The following IGFL2 variants were observed in gnomAD, a reference collection of about 807,000 sequenced individuals.
The protein encoded by IGFL2 is insulin growth factor-like family member 2.
IGFL2 carries 7 observed loss-of-function variants against 13.9 expected under a neutral mutation model. That is an observed-to-expected ratio of 0.51 (90% confidence interval 0.29 to 0.95). IGFL2 has a LOEUF of 0.95. IGFL2 is among the 40% of genes least tolerant of loss of function. The pLI, the probability that IGFL2 is intolerant of heterozygous loss-of-function variation, is 0.08. For missense variants in IGFL2, 138 were observed against 147.8 expected, an observed-to-expected ratio of 0.93 and a Z score of 0.34; for synonymous variants, 55 against 55.8, an observed-to-expected ratio of 0.99 and a Z score of 0.07.
At chr19:46,157,311 A>G (rs1385700778) in intron 1 of IGFL2, among the ~76,000 whole-genome samples, 2 of 152,166 alleles carry the variant, frequency 1.3e-5, no homozygotes, top group African/African-American at 2.4e-5. Context: ...TAAAAAGACA[A>G]ACAAGAACAA....
the IGFL2 span, among the ~76,000 whole-genome samples, chr19:46,172,567 T>C: frequency 6.6e-6 from 1 of 152,190 alleles, no homozygotes; most frequent in African/African-American, 2.4e-5. Context: ...GCCTCCCACC[T>C]CAGCCACCTG....
chr19:46,113,204 C>T, the IGFL2 span: 2 of 174,510 alleles, frequency 1.1e-5, no homozygotes, highest in Non-Finnish European at 2.4e-5. Flanking sequence ...AAAAGCGTTC[C>T]GTCCTCTCTT....
At chr19:46,136,749 G>C in the IGFL2 span, 21 of 585,264 alleles carry the variant, frequency 3.6e-5, no homozygotes, top group South Asian at 2.9e-4. Context: ...AATGGGTTAA[G>C]CTGTAAGTTT....
chr19:46,177,994 C>T, the IGFL2 span, among the ~76,000 whole-genome samples: 46 of 152,112 alleles, frequency 3.0e-4, no homozygotes, highest in South Asian at 5.2e-3. Context: ...AAATAGAGAG[C>T]GTGGCCGGGT....
the IGFL2 span, chr19:46,137,582 G>A: frequency 9.4e-7 from 1 of 1,058,318 alleles, no homozygotes. Flanking sequence ...GCCAGATGCT[G>A]CAACAATACC....
the IGFL2 span, among the ~76,000 whole-genome samples, chr19:46,109,595 C>CGT: frequency 6.6e-6 from 1 of 152,162 alleles, no homozygotes; most frequent in African/African-American, 2.4e-5. Context: ...GGATTACAGG[C>CGT]GTGAGACACC....
At chr19:46,142,161 C>G (rs1405697008), upstream of IGFL2, among the ~76,000 whole-genome samples, 11 of 152,106 alleles carry the variant, frequency 7.2e-5, no homozygotes, top group Non-Finnish European at 1.3e-4. Flanking sequence ...TACAAGCATC[C>G]AATAACATAA....
chr19:46,079,617 C>T, the IGFL2 span, among the ~76,000 whole-genome samples: 4 of 152,302 alleles, frequency 2.6e-5, no homozygotes, highest in East Asian at 5.8e-4. Context: ...GTCGCCTGTA[C>T]CTGAATGGCA....
upstream of IGFL2, among the ~76,000 whole-genome samples, chr19:46,138,724 G>A (rs1255412462): frequency 6.6e-6 from 1 of 152,162 alleles, no homozygotes; most frequent in Non-Finnish European, 1.5e-5. Context: ...TTTGGCAACT[G>A]AGGCTTTGCT....
chr19:46,119,491 A>G, the IGFL2 span, among the ~76,000 whole-genome samples: 1 of 141,134 alleles, frequency 7.1e-6, no homozygotes, highest in Non-Finnish European at 1.5e-5. Flanking sequence ...GAGCCAGGGT[A>G]TGCTGCTCTG....
downstream of IGFL2, among the ~76,000 whole-genome samples, chr19:46,166,208 T>C (rs1240642716): frequency 6.6e-6 from 1 of 152,212 alleles, no homozygotes; most frequent in African/African-American, 2.4e-5. Flanking sequence ...TCTTTTCTAT[T>C]TTCCTAAGCG....
chr19:46,209,923 T>A, the IGFL2 span: 1 of 151,868 alleles, frequency 6.6e-6, no homozygotes, highest in African/African-American at 2.4e-5. Context: ...TGCCATTGAA[T>A]TGCACACTTG....
the IGFL2 span, among the ~76,000 whole-genome samples, chr19:46,097,477 A>AT: frequency 6.6e-6 from 1 of 151,756 alleles, no homozygotes; most frequent in Admixed American, 6.6e-5. Flanking sequence ...AGATTCATTG[A>AT]TTTTTTTGGA....
the IGFL2 span, among the ~76,000 whole-genome samples, chr19:46,114,348 A>G: frequency 4.6e-5 from 7 of 152,012 alleles, no homozygotes; most frequent in Non-Finnish European, 8.8e-5. Flanking sequence ...AAGCTTTCCT[A>G]CTCCTCTGCT....
At chr19:46,165,649 GA>G (rs2146907110), downstream of IGFL2, among the ~76,000 whole-genome samples, 1 of 152,342 alleles carries the variant, frequency 6.6e-6, no homozygotes, top group East Asian at 1.9e-4. Context: ...ATGCAAGAGG[GA>G]CAGGGCCCGA....
the IGFL2 span, among the ~76,000 whole-genome samples, chr19:46,182,999 C>A: frequency 6.6e-6 from 1 of 152,152 alleles, no homozygotes; most frequent in African/African-American, 2.4e-5. Flanking sequence ...TTACTCCATT[C>A]TCACACTGCT....
intron 1 of IGFL2, among the ~76,000 whole-genome samples, chr19:46,150,622 C>G (rs559736483): frequency 6.6e-6 from 1 of 152,118 alleles, no homozygotes; most frequent in Non-Finnish European, 1.5e-5. Flanking sequence ...TACTTTTTGT[C>G]ACTAGAACAT....
chr19:46,192,292 G>T, the IGFL2 span, among the ~76,000 whole-genome samples: 241 of 152,288 alleles, frequency 1.6e-3, 4 homozygotes, highest in East Asian at 0.037. Context: ...ATGAAACCCA[G>T]ACAAGATGAA....
At chr19:46,092,111 C>A in the IGFL2 span, among the ~76,000 whole-genome samples, 1 of 152,102 alleles carries the variant, frequency 6.6e-6, no homozygotes, top group Non-Finnish European at 1.5e-5. Flanking sequence ...AAGGCTCTTT[C>A]TTGATTCACA....
Sources: allele counts gnomAD v4.1 joint callset (sites outside exome capture counted in the v4.1 genomes callset), GRCh38; gene constraint gnomAD v4.1.1; transcripts MANE v1.5; gene names NCBI Gene and HGNC (gene_info 2026-07-23, HGNC 2026-07-21).